PHF24: variants seen among roughly 807,000 people sequenced by gnomAD.
PHF24 encodes PHD finger protein 24, also known as Galpha inhibitory interacting protein.
Under a neutral mutation model 42.6 loss-of-function variants are expected in PHF24, and 25 were observed. That is an observed-to-expected ratio of 0.59 (90% confidence interval 0.43 to 0.82). PHF24 has a LOEUF of 0.82. Among genes scored for constraint, PHF24 ranks in the 40% least tolerant of loss-of-function variants. The pLI, the probability that PHF24 is intolerant of heterozygous loss-of-function variation, is 0.00. For synonymous variants in PHF24, 185 were observed against 204.8 expected, an observed-to-expected ratio of 0.90 and a Z score of 0.83; for missense variants, 470 against 538.1, an observed-to-expected ratio of 0.87 and a Z score of 1.25.
At chr9:34,754,529 A>T in the PHF24 span, among the ~76,000 whole-genome samples, 1 of 152,166 alleles carries the variant, frequency 6.6e-6, no homozygotes, top group Admixed American at 6.5e-5. Flanking sequence ...CAGTTAAAAT[A>T]GTTTTTATCC....
chr9:34,673,837 G>C, the PHF24 span, among the ~76,000 whole-genome samples: 1 of 152,122 alleles, frequency 6.6e-6, no homozygotes, highest in African/African-American at 2.4e-5. Flanking sequence ...TAGCCAGGAT[G>C]GTCTTGATCT....
chr9:34,835,518 A>G, the PHF24 span: 2 of 1,551,840 alleles, frequency 1.3e-6, no homozygotes, highest in Non-Finnish European at 1.7e-6. Flanking sequence ...GGGTTCAGGG[A>G]CAGCAAGGAG....
the PHF24 span, among the ~76,000 whole-genome samples, chr9:34,793,706 CA>C: frequency 6.6e-6 from 1 of 151,864 alleles, no homozygotes; most frequent in African/African-American, 2.4e-5. Context: ...AGAGGGAAAG[CA>C]GTCTTCTAAC....
chr9:34,763,552 C>T, the PHF24 span, among the ~76,000 whole-genome samples: 3 of 152,134 alleles, frequency 2.0e-5, no homozygotes, highest in East Asian at 1.9e-4. Context: ...GATTTTGTAT[C>T]GTGAGACTTT....
the PHF24 span, among the ~76,000 whole-genome samples, chr9:34,949,701 G>A: frequency 5.3e-5 from 8 of 152,160 alleles, no homozygotes; most frequent in African/African-American, 1.9e-4. Flanking sequence ...CCTTTGCAGG[G>A]ACATGGATGA....
At chr9:34,825,759 A>G in the PHF24 span, among the ~76,000 whole-genome samples, 1 of 152,084 alleles carries the variant, frequency 6.6e-6, no homozygotes, top group Non-Finnish European at 1.5e-5. Context: ...TGCAAAAGTA[A>G]TTGTGGTTTT....
chr9:34,719,974 A>T, the PHF24 span, among the ~76,000 whole-genome samples: 10 of 152,188 alleles, frequency 6.6e-5, no homozygotes, highest in Non-Finnish European at 8.8e-5. Flanking sequence ...CAGAGCAGGG[A>T]CATATCCATG....
the PHF24 span, among the ~76,000 whole-genome samples, chr9:34,846,490 T>C: frequency 6.6e-6 from 1 of 152,098 alleles, no homozygotes; most frequent in Non-Finnish European, 1.5e-5. Context: ...TTGTAGATGC[T>C]GGATATTAGC....
At chr9:34,815,968 G>A in the PHF24 span, among the ~76,000 whole-genome samples, 1 of 152,152 alleles carries the variant, frequency 6.6e-6, no homozygotes, top group Non-Finnish European at 1.5e-5. Flanking sequence ...CTAGGAAGCA[G>A]ATAGCTAAGA....
the PHF24 span, chr9:34,832,392 C>A: frequency 9.5e-7 from 1 of 1,055,292 alleles, no homozygotes; most frequent in South Asian, 1.4e-5. Flanking sequence ...GCCAGGTTGT[C>A]TGGAGTGTAA....
chr9:34,837,563 C>A, the PHF24 span: 1 of 981,504 alleles, frequency 1.0e-6, no homozygotes. Context: ...TGGCAGAGCA[C>A]CTGGCTCTTG....
At chr9:34,850,577 C>T in the PHF24 span, among the ~76,000 whole-genome samples, 5 of 152,160 alleles carry the variant, frequency 3.3e-5, no homozygotes, top group Admixed American at 2.6e-4. Flanking sequence ...GTAGTTTGAT[C>T]ATCTGAAGCC....
At chr9:34,900,071 G>A in the PHF24 span, among the ~76,000 whole-genome samples, 1 of 152,128 alleles carries the variant, frequency 6.6e-6, no homozygotes, top group African/African-American at 2.4e-5. Context: ...AATTTCAGAG[G>A]CATTGACTCC....
the PHF24 span, among the ~76,000 whole-genome samples, chr9:34,863,977 A>G: frequency 3.9e-5 from 6 of 152,266 alleles, no homozygotes; most frequent in Non-Finnish European, 5.9e-5. Context: ...TCAAGTAGAA[A>G]CTCTGGAGTT....
At chr9:34,680,806 T>G in the PHF24 span, 1 of 152,186 alleles carries the variant, frequency 6.6e-6, no homozygotes, top group Non-Finnish European at 1.5e-5. Context: ...TGACTGTAAC[T>G]TTTATCCATA....
At chr9:34,669,749 T>C in the PHF24 span, among the ~76,000 whole-genome samples, 2 of 152,294 alleles carry the variant, frequency 1.3e-5, no homozygotes, top group Middle Eastern at 3.4e-3. Context: ...TGACTGCCTT[T>C]TGTCCCTGGC....
the PHF24 span, among the ~76,000 whole-genome samples, chr9:34,878,952 C>T: frequency 2.6e-5 from 4 of 152,210 alleles, no homozygotes; most frequent in African/African-American, 4.8e-5. Context: ...CTGGGAGACA[C>T]CTCCCAGTAG....
the PHF24 span, among the ~76,000 whole-genome samples, chr9:34,795,614 A>G: frequency 6.6e-6 from 1 of 152,200 alleles, no homozygotes; most frequent in African/African-American, 2.4e-5. Context: ...AAAACCTATG[A>G]CAAAACAATT....
chr9:34,741,367 T>C, the PHF24 span, among the ~76,000 whole-genome samples: 1 of 152,188 alleles, frequency 6.6e-6, no homozygotes, highest in East Asian at 1.9e-4. Flanking sequence ...CTTTTTCTTT[T>C]TCTTTTTTTT....
Sources: gnomAD v4.1 joint callset for allele counts (sites outside exome capture counted in the v4.1 genomes callset) on GRCh38, gnomAD v4.1.1 for gene constraint, MANE v1.5 for transcripts, NCBI Gene and HGNC (gene_info 2026-07-23, HGNC 2026-07-21) for gene names.